Variants in ZEB2 observed in about 807,000 individuals in gnomAD.
The protein encoded by ZEB2 is zinc finger E-box-binding homeobox 2.
A neutral mutation model predicts 99.9 loss-of-function variants in ZEB2; 6 were observed. The ratio of observed to expected loss-of-function variants is 0.06; its 90% CI spans 0.03 to 0.12. ZEB2 has a LOEUF of 0.12. ZEB2 is among the 10% of genes least tolerant of loss of function. The pLI is 1.00. For synonymous variants in ZEB2, 517 were observed against 542.5 expected (o/e 0.95, Z 0.65); for missense variants, 969 against 1,502.8 (o/e 0.64, Z 5.87).
intron 3 of ZEB2, among the ~76,000 whole-genome samples, chr2:144,425,988 AAAAAT>A (rs1307565439): frequency 6.6e-6 from 1 of 152,146 alleles, no homozygotes; most frequent in African/African-American, 2.4e-5. Flanking sequence ...ATGTTACAGC[AAAAAT>A]AAAATAAAAT....
intron 2 of ZEB2, among the ~76,000 whole-genome samples, chr2:144,439,147 A>C (rs951539684): frequency 1.1e-4 from 17 of 151,942 alleles, no homozygotes; most frequent in Non-Finnish European, 2.5e-4. Context: ...AAAAAAAAAA[A>C]AAAAAAACTT....
At chr2:144,440,820 G>A (rs917383165) in intron 2 of ZEB2, among the ~76,000 whole-genome samples, 1 of 151,612 alleles carries the variant, frequency 6.6e-6, no homozygotes, top group Non-Finnish European at 1.5e-5. Flanking sequence ...ATGAACTAGA[G>A]AAAATAATGT....
chr2:144,473,935 T>C (rs769289758), intron 2 of ZEB2, among the ~76,000 whole-genome samples: 2 of 152,168 alleles, frequency 1.3e-5, no homozygotes, highest in Non-Finnish European at 2.9e-5. Context: ...TGGGGTCAAT[T>C]ATTTGTCTAA....
chr2:144,445,470 C>G (rs1373157075), intron 2 of ZEB2, among the ~76,000 whole-genome samples: 3 of 152,098 alleles, frequency 2.0e-5, no homozygotes, highest in Non-Finnish European at 4.4e-5. Context: ...CCCTCTCTCT[C>G]TCTTTGAAAA....
chr2:144,480,611 A>G (rs918245773), intron 2 of ZEB2, among the ~76,000 whole-genome samples: 3 of 152,130 alleles, frequency 2.0e-5, no homozygotes, highest in Non-Finnish European at 4.4e-5. Flanking sequence ...CTATTACGCT[A>G]TAAGTGGCAG....
At position 144,398,888 on chromosome 2, in the gene ZEB2, T is replaced by C. The variant is rs1380361690; in HGVS notation, c.2299A>G (p.Thr767Ala). The C allele has an allele frequency of 6.2e-7, 1 of 1,614,154 alleles. No individual in the cohort carries two copies. The highest frequency in any genetic ancestry group is 8.5e-7 in the Non-Finnish European group (1 of 1,180,012). Residue 767 changes from threonine (T) to alanine (A), a missense_variant, in exon 8 of 10, where the codon ACC (threonine) becomes GCC (alanine). Around this residue, in one of 8 missense-constraint regions of ZEB2, gnomAD observed 346 missense variants for 460.0 expected, o/e 0.75. Coordinates refer to ENST00000627532, the MANE Select transcript of ZEB2 (RefSeq NM_014795.4). ...PLRLTKPSHF[T>A]NIKPVEKLDH... ...AATTTTTCAACTGGTTTAATATTGG[T>C]AAAATGGGAAGGTTTTGTTAGCCTG...
intron 2 of ZEB2, among the ~76,000 whole-genome samples, chr2:144,507,701 G>T (rs1036563873): frequency 6.6e-6 from 1 of 151,996 alleles, no homozygotes; most frequent in African/African-American, 2.4e-5. Flanking sequence ...TAGTTTCTTG[G>T]GTCACAAATG....
chr2:144,519,910 G>A (rs1705238247), intron 1 of ZEB2, 29 bp downstream of exon 1: 1 of 434,894 alleles, frequency 2.3e-6, no homozygotes, highest in African/African-American at 2.1e-5. Context: ...GGGATAAAAA[G>A]AGAGAAAAGG....
At chr2:144,512,109 C>A in intron 2 of ZEB2, 1 of 1,287,172 alleles carries the variant, frequency 7.8e-7, no homozygotes, top group Non-Finnish European at 1.0e-6. Flanking sequence ...CACCCCAGCA[C>A]CATTGACGTT....
At chr2:144,414,773 A>G (rs759611656) in intron 4 of ZEB2, among the ~76,000 whole-genome samples, 25 of 152,212 alleles carry the variant, frequency 1.6e-4, no homozygotes, top group Admixed American at 1.3e-4. Context: ...AAGAGGCAAG[A>G]AAAGAGAGAA....
chr2:144,401,605 G>C (rs1245338379), intron 6 of ZEB2, among the ~76,000 whole-genome samples: 1 of 152,158 alleles, frequency 6.6e-6, no homozygotes, highest in Non-Finnish European at 1.5e-5. Flanking sequence ...TAACTGTAAA[G>C]ATATTTGTTG....
At chr2:144,478,425 G>A (rs1368613184) in intron 2 of ZEB2, among the ~76,000 whole-genome samples, 2 of 152,212 alleles carry the variant, frequency 1.3e-5, no homozygotes, top group African/African-American at 4.8e-5. Context: ...TCAGACAGTG[G>A]TGAAGGGACA....
At chr2:144,400,404 T>G (rs1285384267) in intron 7 of ZEB2, 134 bp from the exon 8 acceptor site, 3 of 960,414 alleles carry the variant, frequency 3.1e-6, no homozygotes, top group Non-Finnish European at 4.7e-6. Flanking sequence ...GTACTTAGAT[T>G]AGAATTATGT....
rs769850418 is a variant in ZEB2, at chr2:144,388,881, T to C, written c.*570A>G. ...AATTCACACATGCATCACTTCAAGT[T>C]CCTTCACAGAAAAAAAAAAAAATTG... On this transcript the variant is annotated 3_prime_UTR_variant, in exon 10 of 10. Coordinates refer to ENST00000627532, the MANE Select transcript of ZEB2 (RefSeq NM_014795.4). This position sits in a 1 kb window ranked among gnomAD's most constrained non-coding sequence, Gnocchi z 5.4. The C allele has an allele frequency of 1.5e-5, 7 of 458,488 alleles. No individual in the cohort carries two copies. The highest frequency in any genetic ancestry group is 1.1e-4 in the South Asian group (7 of 62,652). The allele number at this position is 458,488 out of a possible 1,614,324, so 28.4% of individuals were successfully genotyped here.
chr2:144,420,281 T>C (rs1390457746), intron 4 of ZEB2, among the ~76,000 whole-genome samples: 1 of 152,188 alleles, frequency 6.6e-6, no homozygotes, highest in Non-Finnish European at 1.5e-5. Flanking sequence ...TCACCCAGGC[T>C]GGAGTGCAGT....
intron 2 of ZEB2, among the ~76,000 whole-genome samples, chr2:144,480,157 T>G (rs1038000510): frequency 1.3e-5 from 2 of 152,170 alleles, no homozygotes; most frequent in South Asian, 4.1e-4. Flanking sequence ...TTATTTGATT[T>G]GATTTCTGCT....
intron 2 of ZEB2, 94 bp downstream of exon 2, chr2:144,517,184 C>T (rs1705167411): frequency 6.4e-7 from 1 of 1,560,750 alleles, no homozygotes; most frequent in African/African-American, 1.4e-5. Flanking sequence ...CCGCCGCCGC[C>T]GCCGCCTCGG....
At position 144,513,448 on chromosome 2, in the gene ZEB2, A is replaced by G. The variant is rs1705076091; in HGVS notation, c.73+3830T>C. 4 of 1,465,520 alleles carry G rather than the reference A, an allele frequency of 2.7e-6. No individual in the cohort carries two copies. In the East Asian group the frequency reaches 1.1e-4, roughly 42 times the overall value. 90.8% of individuals were successfully genotyped at this position (1,465,520 alleles called of 1,614,324 possible). A position where few individuals can be genotyped will look rare whatever the true frequency, so the allele number is the denominator to read the frequency against. ...AAACTCTGGAGAAAAATCAAATTTA[A>G]CTTTTCCTTTCTTCTCCTATTTCCC... On this transcript the variant is annotated intron_variant, in intron 2 of 9. Coordinates refer to ENST00000627532, the MANE Select transcript of ZEB2 (RefSeq NM_014795.4).
In ZEB2 at chr2:144,398,703, T is replaced by C; in HGVS notation, c.2484A>G (p.Lys828=). ...LSLPKQMKEP[K]SIIATKNKTK... ...TTTTGTTCTTTGTGGCTATAATACT[T>C]TTGGGTTCTTTCATTTGTTTTGGTA... is the stretch of plus-strand genomic sequence containing the variant. The change falls in exon 8 of 10, where the codon AAA becomes AAG. Residue 828 remains lysine, a synonymous_variant. Transcript: ENST00000627532. 1.2e-6 allele frequency: 2 copies of C among 1,614,092 alleles called. No individual in the cohort carries two copies. The highest frequency in any genetic ancestry group is 8.5e-7 in the Non-Finnish European group (1 of 1,180,008).
Sources: allele counts gnomAD v4.1 joint callset (sites outside exome capture counted in the v4.1 genomes callset), GRCh38; gene constraint gnomAD v4.1.1; regional missense constraint gnomAD v4.1.1; non-coding constraint Gnocchi (gnomAD v3.1); transcripts MANE v1.5; gene names NCBI Gene and HGNC (gene_info 2026-07-23, HGNC 2026-07-21).